The following WIPF2 variants were observed in gnomAD, a reference collection of about 807,000 sequenced individuals.
WIPF2 encodes the protein WAS/WASL-interacting protein family member 2.
In WIPF2, 23 loss-of-function variants were observed where a neutral mutation model predicts 38.8. The observed-to-expected ratio is 0.59, with a 90% confidence interval of 0.43 to 0.84. WIPF2 has a LOEUF of 0.84. Among genes scored for constraint, WIPF2 ranks in the 40% least tolerant of loss-of-function variants. WIPF2 has a pLI of 0.00. For synonymous variants in WIPF2, 210 were observed against 223.2 expected, an observed-to-expected ratio of 0.94 and a Z score of 0.53; for missense variants, 574 against 580.5, an observed-to-expected ratio of 0.99 and a Z score of 0.11.
intron 1 of WIPF2, among the ~76,000 whole-genome samples, chr17:40,224,406 ATTTTTTTTTTTTT>A (rs67838907): frequency 1.0e-4 from 9 of 89,134 alleles, no homozygotes; most frequent in Non-Finnish European, 1.7e-4. Flanking sequence ...GATTTTTTGT[ATTTTTTTTTTTTT>A]TTTTTTTGTA....
rs1260415935 is a variant in WIPF2, at chr17:40,264,873, C to T, written c.697C>T (p.Pro233Ser). Residue 233 changes from proline to serine, a missense_variant, in exon 5 of 8, where the codon CCT becomes TCT. Transcript: ENST00000323571. ...TCCTGCTCCACCCCCAGTCAAACCA[C>T]CTCCTTCCCCTGTGAATATCAGAAC... ...GPPAPPPVKP[P>S]PSPVNIRTGP... 6.2e-7 allele frequency: 1 copy of T among 1,614,208 alleles called. No homozygotes were observed.
intron 1 of WIPF2, among the ~76,000 whole-genome samples, chr17:40,232,708 C>T (rs372996699): frequency 2.0e-5 from 3 of 149,014 alleles, no homozygotes; most frequent in East Asian, 2.0e-4. Flanking sequence ...GGTGTGATCT[C>T]GGCTCACTGC....
chr17:40,245,132 GT>G (rs2031320341), intron 1 of WIPF2, among the ~76,000 whole-genome samples: 2 of 152,178 alleles, frequency 1.3e-5, no homozygotes, highest in Non-Finnish European at 2.9e-5. Flanking sequence ...AAATAAATAA[GT>G]AAAACAAAAG....
chr17:40,253,138 C>T (rs2031611973), intron 1 of WIPF2, among the ~76,000 whole-genome samples: 1 of 147,478 alleles, frequency 6.8e-6, no homozygotes, highest in Non-Finnish European at 1.5e-5. Context: ...TCTCGGCTTA[C>T]TGCAAGCTCC....
chr17:40,249,918 C>T (rs1445385153), intron 1 of WIPF2, among the ~76,000 whole-genome samples: 2 of 147,750 alleles, frequency 1.4e-5, no homozygotes, highest in Non-Finnish European at 3.0e-5. Flanking sequence ...CTGCAACCTC[C>T]GCCTCCCGGG....
Position 40,280,449 on chromosome 17 carries a change from A to T in WIPF2, c.*2224A>T, listed in dbSNP as rs1468332973. ...GCGCCACTGCGCTCCAGCCCGGGTG[A>T]CAGAGTGAAACTCCATCTCAGAAAA... On this transcript the variant is annotated 3_prime_UTR_variant, in exon 8 of 8. Coordinates refer to ENST00000323571, the MANE Select transcript of WIPF2 (RefSeq NM_133264.5). 1 of 153,822 alleles carries T rather than the reference A, an allele frequency of 6.5e-6. No homozygotes were observed. The allele number at this position is 153,822 out of a possible 1,614,324, so 9.5% of individuals were successfully genotyped here.
chr17:40,232,529 C>G (rs983421340), intron 1 of WIPF2, among the ~76,000 whole-genome samples: 1 of 151,410 alleles, frequency 6.6e-6, no homozygotes, highest in Admixed American at 6.6e-5. Flanking sequence ...TGCCATGTTT[C>G]CCAGGCTGGT....
intron 3 of WIPF2, 41 bp from the exon 4 acceptor site, chr17:40,262,484 G>C: frequency 6.6e-7 from 1 of 1,508,524 alleles, no homozygotes; most frequent in Non-Finnish European, 9.2e-7. Context: ...GTCACCAGCT[G>C]AGAGCATGTG....
chr17:40,226,801 G>T (rs1225422497), intron 1 of WIPF2, among the ~76,000 whole-genome samples: 1 of 151,988 alleles, frequency 6.6e-6, no homozygotes, highest in Non-Finnish European at 1.5e-5. Context: ...GAGTGCAATG[G>T]CACAATCTCG....
chr17:40,244,033 A>G (rs1567714311), intron 1 of WIPF2, among the ~76,000 whole-genome samples: 2 of 152,210 alleles, frequency 1.3e-5, no homozygotes, highest in South Asian at 4.1e-4. Flanking sequence ...TTGAATTTCA[A>G]GAAGTGGTGG....
At chr17:40,259,249 C>T (rs2031826154) in intron 2 of WIPF2, among the ~76,000 whole-genome samples, 1 of 151,144 alleles carries the variant, frequency 6.6e-6, no homozygotes, top group South Asian at 2.1e-4. Flanking sequence ...GTAGCAGATG[C>T]AGCTGGAGAT....
intron 1 of WIPF2, among the ~76,000 whole-genome samples, chr17:40,230,486 AAC>A (rs1441777369): frequency 6.6e-6 from 1 of 152,124 alleles, no homozygotes; most frequent in Admixed American, 6.6e-5. Flanking sequence ...TGTGCAGTGA[AAC>A]AGTTTTTATA....
At chr17:40,247,207 GTTTTTTT>G (rs775838379) in intron 1 of WIPF2, among the ~76,000 whole-genome samples, 4 of 116,976 alleles carry the variant, frequency 3.4e-5, no homozygotes, top group African/African-American at 9.5e-5. Flanking sequence ...TTATTTCAGG[GTTTTTTT>G]TTTTTTTTTT....
At chr17:40,240,702 TG>T (rs761038882) in intron 1 of WIPF2, among the ~76,000 whole-genome samples, 9 of 151,938 alleles carry the variant, frequency 5.9e-5, no homozygotes, top group Admixed American at 2.0e-4. Flanking sequence ...CCCGGCATTT[TG>T]GGAGGCTGAG....
chr17:40,237,946 A>G (rs1275424728), intron 1 of WIPF2, among the ~76,000 whole-genome samples: 1 of 149,492 alleles, frequency 6.7e-6, no homozygotes, highest in Admixed American at 6.7e-5. Flanking sequence ...TGCGCCTGTA[A>G]TCCCAGCTAC....
At chr17:40,226,413 C>T (rs1054535469) in intron 1 of WIPF2, among the ~76,000 whole-genome samples, 11 of 150,196 alleles carry the variant, frequency 7.3e-5, no homozygotes, top group Non-Finnish European at 1.6e-4. Context: ...GACGGGATTT[C>T]ACTATGTTGG....
chr17:40,263,746 T>A (rs1272012365), intron 4 of WIPF2, among the ~76,000 whole-genome samples: 1 of 151,772 alleles, frequency 6.6e-6, no homozygotes, highest in African/African-American at 2.4e-5. Context: ...TTTCACCATG[T>A]TGGCCAGGCT....
In WIPF2 at chr17:40,264,550, C is replaced by T. The variant is rs1243313631; in HGVS notation, c.374C>T (p.Pro125Leu). Residue 125 changes from proline (P) to leucine (L), a missense_variant, in exon 5 of 8, where the codon CCT (proline) becomes CTT (leucine). Pro to Leu is a moderately conservative substitution (Grantham distance 98). Transcript: ENST00000323571. ...AGTTCTCGAGCTGCTGCCCCAAGGCCTCCAGTATCTGCCGCCAGCGGGCGT... is the reference window on the plus strand; with the variant it reads ...AGTTCTCGAGCTGCTGCCCCAAGGCTTCCAGTATCTGCCGCCAGCGGGCGT... ...IPSSRAAAPR[P>L]PVSAASGRPQ... The T allele has an allele frequency of 6.2e-7, 1 of 1,614,024 alleles. No homozygotes were observed. Among genetic ancestry groups the T allele is most frequent in the African/African-American group, 1.3e-5 (1 of 74,882 alleles).
At chr17:40,262,293 G>C (rs2031937285) in intron 3 of WIPF2, among the ~76,000 whole-genome samples, 4 of 151,822 alleles carry the variant, frequency 2.6e-5, no homozygotes, top group Admixed American at 2.6e-4. Context: ...ATATTGCCTA[G>C]GCTGCTCTCG....
Sources: gnomAD v4.1 joint callset for allele counts (sites outside exome capture counted in the v4.1 genomes callset) on GRCh38, gnomAD v4.1.1 for gene constraint, MANE v1.5 for transcripts, NCBI Gene and HGNC (gene_info 2026-07-23, HGNC 2026-07-21) for gene names.